The following EXOC6B variants were observed in gnomAD, a reference collection of about 807,000 sequenced individuals.
EXOC6B encodes SEC15 homolog B.
EXOC6B carries 54 observed loss-of-function variants against 113.5 expected under a neutral mutation model. The ratio of observed to expected loss-of-function variants is 0.48; its 90% CI spans 0.38 to 0.60. The LOEUF is 0.60. Ranked by LOEUF, EXOC6B falls within the 20% of genes least tolerant of loss-of-function variation. EXOC6B has a pLI of 0.00. For missense variants in EXOC6B, 797 were observed against 977.5 expected (o/e 0.82, Z 2.46); for synonymous variants, 357 against 339.0 (o/e 1.05, Z -0.58).
At chr2:72,409,087 A>G (rs1055633125) in intron 18 of EXOC6B, among the ~76,000 whole-genome samples, 27 of 152,236 alleles carry the variant, frequency 1.8e-4, no homozygotes, top group Non-Finnish European at 3.5e-4. Flanking sequence ...AAAAGAAGAC[A>G]TTTATGCAGC....
At chr2:72,823,459 G>GAAAAAAGA (rs1686693497) in intron 1 of EXOC6B, among the ~76,000 whole-genome samples, 1 of 70,028 alleles carries the variant, frequency 1.4e-5, no homozygotes, top group African/African-American at 8.1e-5. Context: ...AAAGTTTTAA[G>GAAAAAAGA]AAAAAAAAAA....
intron 6 of EXOC6B, among the ~76,000 whole-genome samples, chr2:72,715,821 T>C (rs1005111828): frequency 1.3e-5 from 2 of 152,264 alleles, no homozygotes; most frequent in East Asian, 1.9e-4. Context: ...TGAGGAACCA[T>C]GGCTGAATCT....
intron 7 of EXOC6B, among the ~76,000 whole-genome samples, chr2:72,562,105 G>A (rs1347247173): frequency 6.6e-6 from 1 of 152,150 alleles, no homozygotes; most frequent in African/African-American, 2.4e-5. Flanking sequence ...GAAGAGTGCT[G>A]TGAGGATAAA....
At chr2:72,459,693 A>G (rs1314512348) in intron 18 of EXOC6B, among the ~76,000 whole-genome samples, 2 of 152,160 alleles carry the variant, frequency 1.3e-5, no homozygotes, top group African/African-American at 2.4e-5. Context: ...CCACTGCTCA[A>G]GGAAATAAAA....
rs576841171 is a variant in EXOC6B at position 72,321,552 on chromosome 2, A to G, written c.2196+13395T>C. 7.9e-5 allele frequency among the ~76,000 whole-genome samples: 12 copies of G among 151,924 alleles called. 1 individual carries two copies. In the South Asian group the frequency reaches 2.5e-3, roughly 32 times the overall value. On this transcript the variant is annotated intron_variant, in intron 20 of 21. Transcript: ENST00000272427. ...CCGTCTCAAAAAAAAAAAAAAAAAA[A>G]ATGGAGTACTAACATATGCAAAAAC...
chr2:72,408,486 C>A (rs2105208786), intron 18 of EXOC6B, among the ~76,000 whole-genome samples: 1 of 152,236 alleles, frequency 6.6e-6, no homozygotes, highest in African/African-American at 2.4e-5. Flanking sequence ...CTACAGTAAC[C>A]AAAACAGCAT....
chr2:72,773,186 G>A (rs1458980931), intron 1 of EXOC6B, among the ~76,000 whole-genome samples: 1 of 143,000 alleles, frequency 7.0e-6, no homozygotes, highest in East Asian at 2.0e-4. Flanking sequence ...GAGTGCAGTG[G>A]TGCAATCATG....
chr2:72,263,909 A>ACAGCCAGC (rs531669226), intron 20 of EXOC6B, among the ~76,000 whole-genome samples: 4 of 152,130 alleles, frequency 2.6e-5, no homozygotes, highest in Non-Finnish European at 5.9e-5. Flanking sequence ...AAGCATTCTG[A>ACAGCCAGC]CAGCCAGCCA....
chr2:72,455,204 T>C (rs1697147808), intron 18 of EXOC6B, among the ~76,000 whole-genome samples: 1 of 152,140 alleles, frequency 6.6e-6, no homozygotes, highest in South Asian at 2.1e-4. Context: ...GAGAAAGTCA[T>C]AGGAATTGGG....
intron 18 of EXOC6B, among the ~76,000 whole-genome samples, chr2:72,436,811 T>C (rs565220319): frequency 2.6e-5 from 4 of 152,272 alleles, no homozygotes; most frequent in South Asian, 4.1e-4. Flanking sequence ...TAACCTTTTA[T>C]CAAGGTTCTT....
chr2:72,446,623 T>C (rs1301801543), intron 18 of EXOC6B, among the ~76,000 whole-genome samples: 2 of 150,940 alleles, frequency 1.3e-5, no homozygotes, highest in African/African-American at 4.9e-5. Flanking sequence ...TGTACTAGAG[T>C]GGGGAGAGTG....
At chr2:72,620,239 C>T (rs1671662563) in intron 6 of EXOC6B, among the ~76,000 whole-genome samples, 1 of 152,178 alleles carries the variant, frequency 6.6e-6, no homozygotes, top group African/African-American at 2.4e-5. Context: ...ACAGATCCTC[C>T]AGCCCAGCTG....
chr2:72,782,754 CAT>C (rs1015412654), intron 1 of EXOC6B, among the ~76,000 whole-genome samples: 2 of 152,232 alleles, frequency 1.3e-5, no homozygotes, highest in East Asian at 1.9e-4. Context: ...TCAGTTCCCA[CAT>C]ATGAGTGACA....
intron 20 of EXOC6B, among the ~76,000 whole-genome samples, chr2:72,261,931 C>A (rs1295955053): frequency 2.0e-5 from 3 of 152,132 alleles, no homozygotes; most frequent in East Asian, 3.9e-4. Context: ...TCATAGCTAA[C>A]TGCCTCCAAT....
chr2:72,205,889 T>C (rs1679814589), intron 20 of EXOC6B, among the ~76,000 whole-genome samples: 1 of 151,910 alleles, frequency 6.6e-6, no homozygotes, highest in Non-Finnish European at 1.5e-5. Context: ...GATATTGAAG[T>C]TTTGCGTGGG....
chr2:72,684,990 GA>G (rs1199675846), intron 6 of EXOC6B, among the ~76,000 whole-genome samples: 1 of 151,830 alleles, frequency 6.6e-6, no homozygotes, highest in Non-Finnish European at 1.5e-5. Flanking sequence ...TACCTCAAAA[GA>G]AAAAAAATCA....
At chr2:72,271,390 G>T (rs577680939) in intron 20 of EXOC6B, among the ~76,000 whole-genome samples, 1 of 152,218 alleles carries the variant, frequency 6.6e-6, no homozygotes, top group African/African-American at 2.4e-5. Flanking sequence ...ATCTCTTGAG[G>T]AGGAGGCCTT....
chr2:72,179,955 C>G (rs566556121), intron 21 of EXOC6B, among the ~76,000 whole-genome samples: 1 of 152,332 alleles, frequency 6.6e-6, no homozygotes, highest in East Asian at 1.9e-4. Context: ...CTGAAGGCCA[C>G]TGTATATTTC....
At chr2:72,262,595 A>G (rs2104588220) in intron 20 of EXOC6B, among the ~76,000 whole-genome samples, 1 of 152,294 alleles carries the variant, frequency 6.6e-6, no homozygotes, top group South Asian at 2.1e-4. Flanking sequence ...TCACCTTTTA[A>G]TCAATTTTGA....
Sources: allele counts gnomAD v4.1 joint callset (sites outside exome capture counted in the v4.1 genomes callset), GRCh38; gene constraint gnomAD v4.1.1; transcripts MANE v1.5; gene names NCBI Gene and HGNC (gene_info 2026-07-23, HGNC 2026-07-21).